AK5: variants seen among roughly 807,000 people sequenced by gnomAD.
AK5 encodes the protein adenylate kinase isoenzyme 5.
AK5 carries 27 observed loss-of-function variants against 69.5 expected under a neutral mutation model. The ratio of observed to expected loss-of-function variants is 0.39; its 90% CI spans 0.29 to 0.54. The LOEUF (loss-of-function observed/expected upper bound fraction) is 0.54. Ranked by LOEUF, AK5 falls within the 20% of genes least tolerant of loss-of-function variation. The pLI is 0.71. For missense variants in AK5, 531 were observed against 700.4 expected (o/e 0.76, Z 2.73); for synonymous variants, 260 against 244.4 (o/e 1.06, Z -0.60).
At chr1:77,350,618 A>C (rs1662141689) in intron 6 of AK5, among the ~76,000 whole-genome samples, 1 of 152,236 alleles carries the variant, frequency 6.6e-6, no homozygotes, top group Admixed American at 6.5e-5. Context: ...TTACTTCTCC[A>C]TATGGCAGAT....
At chr1:77,354,771 G>C (rs1285028378) in intron 6 of AK5, among the ~76,000 whole-genome samples, 20 of 152,164 alleles carry the variant, frequency 1.3e-4, no homozygotes, top group Admixed American at 1.3e-3. Flanking sequence ...GCAACCATGA[G>C]AGATTTCTCA....
intron 6 of AK5, among the ~76,000 whole-genome samples, chr1:77,398,890 G>A (rs182359414): frequency 1.6e-4 from 25 of 152,078 alleles, no homozygotes; most frequent in Admixed American, 1.0e-3. Context: ...ATACGAGATT[G>A]GGTCCAATCT....
intron 5 of AK5, among the ~76,000 whole-genome samples, chr1:77,301,429 A>C (rs986335703): frequency 6.6e-6 from 1 of 152,228 alleles, no homozygotes; most frequent in Non-Finnish European, 1.5e-5. Flanking sequence ...CGGGAAGTAG[A>C]GTCCAGCTGG....
chr1:77,410,485 G>A (rs112474482), intron 6 of AK5, among the ~76,000 whole-genome samples: 7,800 of 152,008 alleles, frequency 0.051, 304 homozygotes, highest in Admixed American at 0.12. Context: ...TTGCCGTGTT[G>A]GCCAGGCTGG....
At chr1:77,532,482 T>G (rs941942389) in intron 12 of AK5, 3 of 152,184 alleles carry the variant, frequency 2.0e-5, no homozygotes, top group African/African-American at 7.2e-5. Flanking sequence ...TCACCAAGCT[T>G]TGGGGTTACA....
intron 10 of AK5, among the ~76,000 whole-genome samples, chr1:77,488,909 C>G (rs200608444): frequency 1.3e-5 from 2 of 152,200 alleles, no homozygotes; most frequent in Admixed American, 1.3e-4. Context: ...CAAGTCCACT[C>G]AGTATTAACC....
chr1:77,318,012 T>G (rs1236452499), intron 5 of AK5, among the ~76,000 whole-genome samples: 3 of 152,222 alleles, frequency 2.0e-5, no homozygotes, highest in Non-Finnish European at 2.9e-5. Context: ...ATGAAACAAG[T>G]GGTCTGTTGC....
rs1362720832 is a variant in AK5, at chr1:77,287,028, G to A, written c.148G>A (p.Gly50Ser). ...TTTACAAAAAGTAAAGGAACTGGGTGGCTGTGACAAGGTGAAATGGGATAC... is the reference window on the plus strand; with the variant it reads ...TTTACAAAAAGTAAAGGAACTGGGTAGCTGTGACAAGGTGAAATGGGATAC... ...SCLQKVKELG[G>S]CDKVKWDTFV... Residue 50 changes from glycine to serine, a missense_variant, in exon 2 of 14, where the codon GGC becomes AGC. By Grantham distance (56) the Gly-to-Ser change is moderately conservative. Transcript: ENST00000354567. 6.2e-7 allele frequency: 1 copy of A among 1,610,432 alleles called. No homozygotes were observed. The highest frequency in any genetic ancestry group is 2.2e-5 in the East Asian group (1 of 44,636).
chr1:77,383,893 A>G (rs923206856), intron 6 of AK5, among the ~76,000 whole-genome samples: 4 of 152,180 alleles, frequency 2.6e-5, no homozygotes, highest in East Asian at 1.9e-4. Flanking sequence ...AAAATGTAAT[A>G]TAATTGCTCC....
intron 6 of AK5, among the ~76,000 whole-genome samples, chr1:77,375,956 A>G (rs527495583): frequency 6.6e-6 from 1 of 152,344 alleles, no homozygotes; most frequent in African/African-American, 2.4e-5. Flanking sequence ...GGCCGCTGTG[A>G]TGCTTAACTG....
At chr1:77,443,383 A>C (rs1350026892) in intron 8 of AK5, among the ~76,000 whole-genome samples, 5 of 152,226 alleles carry the variant, frequency 3.3e-5, no homozygotes, top group Non-Finnish European at 5.9e-5. Context: ...GACATGGATC[A>C]AATTGCAAGG....
rs10547281 is a variant in AK5 at position 77,324,318 on chromosome 1, C to CGTGTGT, written c.700-16028_700-16023dup. On this transcript the variant is annotated intron_variant, in intron 5 of 13. Transcript: ENST00000354567. Reference sequence around the variant, plus strand: ...ATATTAAAAAAAAGTTCACCATTTGCGTGTGTGTGTGTGTGTGTGTGTGTG... The same window carrying CGTGTGT: ...ATATTAAAAAAAAGTTCACCATTTGCGTGTGTGTGTGTGTGTGTGTGTGTGTGTGTG... Among the ~76,000 whole-genome samples, 1,140 of 148,786 alleles carry CGTGTGT rather than the reference C, an allele frequency of 7.7e-3. 5 individuals are homozygous for CGTGTGT. Among genetic ancestry groups the CGTGTGT allele is most frequent in the South Asian group, 0.01 (47 of 4,600 alleles).
intron 8 of AK5, among the ~76,000 whole-genome samples, chr1:77,451,728 C>T (rs1408318684): frequency 1.3e-5 from 2 of 152,198 alleles, no homozygotes; most frequent in Admixed American, 6.5e-5. Flanking sequence ...TCATTCTCTT[C>T]CTCTCAACCA....
chr1:77,509,501 T>C (rs963553393), intron 10 of AK5, among the ~76,000 whole-genome samples: 2 of 152,186 alleles, frequency 1.3e-5, no homozygotes, highest in Non-Finnish European at 2.9e-5. Flanking sequence ...GGATCATTCT[T>C]AGGGCACGGT....
chr1:77,393,572 A>G (rs148518913), intron 6 of AK5, among the ~76,000 whole-genome samples: 19 of 152,294 alleles, frequency 1.2e-4, no homozygotes, highest in African/African-American at 4.6e-4. Context: ...TCCCACCTCA[A>G]ATACTTCCAG....
chr1:77,487,760 C>T (rs1036296033), intron 10 of AK5, among the ~76,000 whole-genome samples: 1 of 152,198 alleles, frequency 6.6e-6, no homozygotes, highest in African/African-American at 2.4e-5. Context: ...CTCCAGGCTT[C>T]TCCCTCCTCT....
intron 10 of AK5, among the ~76,000 whole-genome samples, chr1:77,498,321 T>G (rs2100750272): frequency 6.6e-6 from 1 of 152,194 alleles, no homozygotes; most frequent in South Asian, 2.1e-4. Flanking sequence ...AGTAAGTAAA[T>G]GGGGATCTGT....
intron 13 of AK5, among the ~76,000 whole-genome samples, chr1:77,543,808 C>T (rs537931921): frequency 7.2e-5 from 11 of 152,012 alleles, no homozygotes; most frequent in Admixed American, 1.3e-4. Context: ...AGATTCCATG[C>T]GAGGTAAGAG....
intron 13 of AK5, among the ~76,000 whole-genome samples, chr1:77,551,948 T>C (rs1659844086): frequency 6.6e-6 from 1 of 152,218 alleles, no homozygotes. Context: ...TCTAGCTGGA[T>C]GTTGACAAAG....
Sources: allele counts gnomAD v4.1 joint callset (sites outside exome capture counted in the v4.1 genomes callset), GRCh38; gene constraint gnomAD v4.1.1; transcripts MANE v1.5; gene names NCBI Gene and HGNC (gene_info 2026-07-23, HGNC 2026-07-21).